PCDHA1: variants seen among roughly 807,000 people sequenced by gnomAD.
PCDHA1 encodes the protein protocadherin alpha-1.
A neutral mutation model predicts 61.3 loss-of-function variants in PCDHA1; 42 were observed. The observed-to-expected ratio is 0.69, with a 90% CI of 0.54 to 0.89. The LOEUF is 0.89. PCDHA1 is among the 40% of genes least tolerant of loss of function. PCDHA1 has a pLI of 0.00. For missense variants in PCDHA1, 1,256 were observed against 1,235.3 expected (o/e 1.02, Z -0.25); for synonymous variants, 610 against 553.8 (o/e 1.10, Z -1.43).
rs2150165075 is a variant in PCDHA1 at position 140,829,273 on chromosome 5, T to C, written c.2394+40589T>C. ...ACTGCTCGCTGACGCCTCACGTCCC[T>C]TTCAAGCTGGTGTCCACCTTCAAGA... On this transcript the variant is annotated intron_variant, in intron 1 of 3. Coordinates refer to ENST00000504120, the MANE Select transcript of PCDHA1 (RefSeq NM_018900.4). 11 of 1,614,216 alleles carry C rather than the reference T, an allele frequency of 6.8e-6. No homozygotes were observed. The South Asian group carries it at 9.9e-5, about 15-fold the overall frequency.
intron 1 of PCDHA1, among the ~76,000 whole-genome samples, chr5:140,832,950 G>A (rs112678369): frequency 0.015 from 2,239 of 152,242 alleles, 37 homozygotes; most frequent in Non-Finnish European, 0.018. Flanking sequence ...ACTTAAGTGA[G>A]TATACAGAAA....
chr5:141,000,361 GTCTCTCTCTCTCTCTC>G (rs148596731), intron 3 of PCDHA1, among the ~76,000 whole-genome samples: 6 of 26,448 alleles, frequency 2.3e-4, no homozygotes, highest in African/African-American at 1.2e-3. Context: ...GTCTCTCTCT[GTCTCTCTCTCTCTCTC>G]TCTCTCTCTC....
intron 1 of PCDHA1, chr5:140,858,280 G>C (rs782403060): frequency 3.1e-6 from 5 of 1,597,578 alleles, no homozygotes; most frequent in Non-Finnish European, 4.3e-6. Context: ...GCGCGGTGGG[G>C]AGCTGGTCTT....
intron 1 of PCDHA1, chr5:140,808,939 G>A (rs1168359860): frequency 4.3e-6 from 7 of 1,613,608 alleles, no homozygotes; most frequent in East Asian, 2.2e-5. Flanking sequence ...TGCCATGGTC[G>A]GTGGGTGTGG....
intron 1 of PCDHA1, chr5:140,803,994 A>G (rs759370269): frequency 3.7e-6 from 1 of 273,540 alleles, no homozygotes; most frequent in Non-Finnish European, 6.8e-6. Flanking sequence ...ACTACCTGTT[A>G]GTACAAATGT....
chr5:140,928,675 T>C (rs782241604), intron 1 of PCDHA1: 1 of 1,614,210 alleles, frequency 6.2e-7, no homozygotes, highest in South Asian at 1.1e-5. Flanking sequence ...TTCTAATGCC[T>C]GGCTTTCCTA....
At chr5:140,868,091 GATA>G (rs1310708872) in intron 1 of PCDHA1, 1 of 151,974 alleles carries the variant, frequency 6.6e-6, no homozygotes, top group Non-Finnish European at 1.5e-5. Context: ...TTTATAAAAT[GATA>G]ATAAAATTTA....
rs782413549 is a variant in PCDHA1, at chr5:140,788,411, G to A, written c.2121G>A (p.Val707=). 4 of 1,614,124 alleles carry A rather than the reference G, an allele frequency of 2.5e-6. No individual in the cohort carries two copies. The South Asian group carries it at 3.3e-5, about 13-fold the overall frequency. The change falls in exon 1 of 4, where the codon GTG becomes GTA. Residue 707 remains valine, a synonymous_variant. Coordinates refer to ENST00000504120, the MANE Select transcript of PCDHA1 (RefSeq NM_018900.4). ...ACCTGATCATCGCCATCTGCGCGGT[G>A]TCCAGCCTGCTGGTGCTCACACTGC... ...NVYLIIAICA[V]SSLLVLTLLL... is the part of the protein sequence containing the mutation.
At chr5:140,907,381 G>T (rs2073350294) in intron 1 of PCDHA1, among the ~76,000 whole-genome samples, 1 of 152,180 alleles carries the variant, frequency 6.6e-6, no homozygotes, top group African/African-American at 2.4e-5. Context: ...TGAGTGCCTT[G>T]GTCAAAGGCA....
intron 1 of PCDHA1, chr5:140,843,571 C>G: frequency 1.3e-6 from 2 of 1,595,974 alleles, no homozygotes; most frequent in Non-Finnish European, 1.7e-6. Context: ...GCTGGTCATA[C>G]TCGCAACAAC....
chr5:140,940,450 A>G (rs1279490375), intron 1 of PCDHA1, among the ~76,000 whole-genome samples: 1 of 151,884 alleles, frequency 6.6e-6, no homozygotes, highest in Non-Finnish European at 1.5e-5. Flanking sequence ...GATATTTTTT[A>G]TAGGTTTCTG....
chr5:140,871,567 AT>A (rs1441824086), intron 1 of PCDHA1: 5 of 1,483,054 alleles, frequency 3.4e-6, no homozygotes, highest in African/African-American at 1.4e-5. Context: ...TTTTTCACGG[AT>A]TTTTTAAGGG....
chr5:140,803,644 A>G (rs781853689), intron 1 of PCDHA1: 23 of 1,612,902 alleles, frequency 1.4e-5, no homozygotes, highest in Non-Finnish European at 1.7e-5. Context: ...TCATTCCTCA[A>G]TGTTTCCACT....
intron 1 of PCDHA1, among the ~76,000 whole-genome samples, chr5:140,881,030 A>G (rs959156727): frequency 6.6e-6 from 1 of 152,234 alleles, no homozygotes; most frequent in Non-Finnish European, 1.5e-5. Flanking sequence ...CCCAACAGTC[A>G]TTTCCTATAG....
intron 1 of PCDHA1, chr5:140,807,909 C>G (rs901067818): frequency 2.5e-6 from 4 of 1,614,064 alleles, no homozygotes; most frequent in Non-Finnish European, 3.4e-6. Context: ...AATGCCCCAG[C>G]TTTTGACAGA....
At chr5:140,932,967 T>C (rs367764644) in intron 1 of PCDHA1, among the ~76,000 whole-genome samples, 2 of 152,036 alleles carry the variant, frequency 1.3e-5, no homozygotes, top group South Asian at 2.1e-4. Context: ...TGCTGAAAGG[T>C]TTTTACAATG....
chr5:140,874,929 G>A lies in PCDHA1; in HGVS notation c.2394+86245G>A, dbSNP rs1554167415. Among the ~76,000 whole-genome samples, 6 of 152,304 alleles carry A rather than the reference G, an allele frequency of 3.9e-5. 1 individual carries two copies. On this transcript the variant is annotated intron_variant, in intron 1 of 3. Transcript: ENST00000504120. ...GATGGAGTGCTTGTGAAGGTTAAAA[G>A]TTATTGAAACAGCGGAATTGTAAGC...
chr5:140,823,179 G>T (rs17844294), intron 1 of PCDHA1: 1 of 1,613,914 alleles, frequency 6.2e-7, no homozygotes, highest in Non-Finnish European at 8.5e-7. Context: ...AGAACAACCC[G>T]CCAGGCTGCC....
intron 1 of PCDHA1, chr5:140,808,760 C>A (rs1554124765): frequency 1.2e-6 from 2 of 1,612,324 alleles, no homozygotes; most frequent in South Asian, 2.2e-5. Context: ...GCCGCTGGAC[C>A]ACGAGGAGCT....
Sources: gnomAD v4.1 joint callset for allele counts (sites outside exome capture counted in the v4.1 genomes callset) on GRCh38, gnomAD v4.1.1 for gene constraint, MANE v1.5 for transcripts, NCBI Gene and HGNC (gene_info 2026-07-23, HGNC 2026-07-21) for gene names.